MIPEP: variants seen among roughly 807,000 people sequenced by gnomAD.
MIPEP encodes the protein mitochondrial intermediate peptidase.
Under a neutral mutation model 90.3 loss-of-function variants are expected in MIPEP, and 79 were observed. That is an observed-to-expected ratio of 0.87 (90% CI 0.73 to 1.05). The LOEUF is 1.05. Ranked by LOEUF, MIPEP falls within the 50% of genes least tolerant of loss-of-function variation. The pLI is 0.00. For synonymous variants in MIPEP, 334 were observed against 315.8 expected (o/e 1.06, Z -0.61); for missense variants, 940 against 905.6 (o/e 1.04, Z -0.49).
intron 18 of MIPEP, among the ~76,000 whole-genome samples, chr13:23,738,141 G>A (rs917416681): frequency 6.6e-6 from 1 of 152,048 alleles, no homozygotes; most frequent in Non-Finnish European, 1.5e-5. Context: ...ATTTCAGGAA[G>A]GCAAAACAAA....
chr13:23,799,568 C>T lies in MIPEP; in HGVS notation c.1848+6382G>A, dbSNP rs184864634. Among the ~76,000 whole-genome samples the T allele has an allele frequency of 7.5e-3, 1,147 of 152,160 alleles. 17 individuals carry two copies. Among genetic ancestry groups the T allele is most frequent in the African/African-American group, 0.025 (1,020 of 41,524 alleles). On this transcript the variant is annotated intron_variant, in intron 16 of 18. Transcript: ENST00000382172. ...GCCTGGATCTCCTGACCTCATGGTCCGCCCGCCTCGGCCTCCCAAAGTGCT... is the reference window on the plus strand; with the variant it reads ...GCCTGGATCTCCTGACCTCATGGTCTGCCCGCCTCGGCCTCCCAAAGTGCT...
Position 23,837,718 on chromosome 13 carries a change from T to C in MIPEP, c.1377A>G (p.Glu459=), listed in dbSNP as rs763719311. 5.0e-6 allele frequency: 8 copies of C among 1,614,106 alleles called. No homozygotes were observed. Among genetic ancestry groups the C allele is most frequent in the Non-Finnish European group, 6.8e-6 (8 of 1,179,906 alleles). The part of the protein sequence containing the change: ...HFTIRGGRLK[E]DGDYQLPVVV... The stretch of plus-strand genomic sequence containing the variant: ...CAACTGGGAGTTGATAGTCTCCATC[T>C]TCCTTTAGTCTGCCTCCACGGATAG... The change falls in exon 13 of 19, where the codon GAA becomes GAG. Residue 459 remains glutamate (E), a synonymous_variant. Coordinates refer to ENST00000382172, the MANE Select transcript of MIPEP (RefSeq NM_005932.4).
chr13:23,838,941 T>C (rs1869176996), intron 12 of MIPEP, among the ~76,000 whole-genome samples: 1 of 152,268 alleles, frequency 6.6e-6, no homozygotes, highest in Non-Finnish European at 1.5e-5. Context: ...TCACATCTGT[T>C]AAAATCTGTG....
chr13:23,827,914 G>C (rs1868540939), intron 14 of MIPEP, among the ~76,000 whole-genome samples: 1 of 152,156 alleles, frequency 6.6e-6, no homozygotes, highest in African/African-American at 2.4e-5. Context: ...CTGGGCGATG[G>C]AGGGAGACTC....
intron 14 of MIPEP, among the ~76,000 whole-genome samples, chr13:23,828,659 G>A (rs915146941): frequency 1.3e-5 from 2 of 152,120 alleles, no homozygotes; most frequent in African/African-American, 4.8e-5. Flanking sequence ...AAAGACTTTT[G>A]AAAAGACCCA....
At chr13:23,833,681 A>T (rs558813310) in intron 14 of MIPEP, among the ~76,000 whole-genome samples, 2 of 152,166 alleles carry the variant, frequency 1.3e-5, no homozygotes, top group South Asian at 2.1e-4. Context: ...ATGGCAATTT[A>T]AAAAAAATTG....
rs748753801 is a variant in MIPEP, at chr13:23,761,867, G to A, written c.1849-1650C>T. 5.9e-5 allele frequency among the ~76,000 whole-genome samples: 9 copies of A among 152,366 alleles called. 1 individual carries two copies. The highest frequency in any genetic ancestry group is 1.9e-4 in the African/African-American group (8 of 41,588). ...GGGCCGGGCACAGTGGCTCATGCCT[G>A]TAATCCCAGCACATCAGGAGGCTGA... On this transcript the variant is annotated intron_variant, in intron 16 of 18. Transcript: ENST00000382172.
rs377379759 is a variant in MIPEP at position 23,886,834 on chromosome 13, T to TATAC, written c.190-329_190-328insGTAT. 4.7e-3 allele frequency among the ~76,000 whole-genome samples: 712 copies of TATAC among 149,972 alleles called. 13 individuals carry two copies. The highest frequency in any genetic ancestry group is 0.034 in the Admixed American group (512 of 15,070). On this transcript the variant is annotated intron_variant, in intron 1 of 18. Coordinates refer to ENST00000382172, the MANE Select transcript of MIPEP (RefSeq NM_005932.4). ...GATTAAATGAGATCATATATGTAAA[T>TATAC]ATATATATATATATACATAAAGCAG...
chr13:23,754,527 TAA>T (rs1164616786), intron 18 of MIPEP, among the ~76,000 whole-genome samples: 9 of 152,232 alleles, frequency 5.9e-5, no homozygotes, highest in Non-Finnish European at 1.3e-4. Flanking sequence ...CAGAAAATAT[TAA>T]GTTTCTTAAC....
chr13:23,750,043 G>T (rs1952424245), intron 18 of MIPEP, among the ~76,000 whole-genome samples: 1 of 151,878 alleles, frequency 6.6e-6, no homozygotes, highest in African/African-American at 2.4e-5. Context: ...ATGAGCAGTG[G>T]TGTCACTGCT....
chr13:23,767,554 C>A (rs993548841), intron 16 of MIPEP, among the ~76,000 whole-genome samples: 1 of 151,704 alleles, frequency 6.6e-6, no homozygotes, highest in Non-Finnish European at 1.5e-5. Flanking sequence ...CAGGTTCAAG[C>A]GATTCTCCTG....
chr13:23,756,664 C>T, intron 17 of MIPEP, 46 bp from the exon 18 acceptor site: 1 of 1,563,682 alleles, frequency 6.4e-7, no homozygotes, highest in Non-Finnish European at 8.8e-7. Flanking sequence ...GCACAGCCTC[C>T]ATTCACACTT....
chr13:23,738,735 C>T (rs565048700), intron 18 of MIPEP, among the ~76,000 whole-genome samples: 3 of 152,196 alleles, frequency 2.0e-5, no homozygotes, highest in African/African-American at 4.8e-5. Flanking sequence ...TACAGGCGTG[C>T]GCCTCTGTGA....
At chr13:23,748,265 C>T (rs1952404807) in intron 18 of MIPEP, among the ~76,000 whole-genome samples, 1 of 152,190 alleles carries the variant, frequency 6.6e-6, no homozygotes, top group Non-Finnish European at 1.5e-5. Context: ...TTTTGGTATT[C>T]GTGTATTCAC....
At chr13:23,773,124 T>TC (rs1952671865) in intron 16 of MIPEP, among the ~76,000 whole-genome samples, 1 of 152,204 alleles carries the variant, frequency 6.6e-6, no homozygotes, top group African/African-American at 2.4e-5. Flanking sequence ...CCATTCGCTG[T>TC]CCCTCTCCAT....
intron 5 of MIPEP, among the ~76,000 whole-genome samples, chr13:23,872,383 C>T (rs1209134590): frequency 2.0e-5 from 3 of 152,314 alleles, no homozygotes; most frequent in African/African-American, 7.2e-5. Context: ...ATCGCTTGAA[C>T]CCGGGAGGCG....
intron 4 of MIPEP, among the ~76,000 whole-genome samples, chr13:23,876,305 A>T (rs1255045736): frequency 6.6e-6 from 1 of 152,192 alleles, no homozygotes; most frequent in Non-Finnish European, 1.5e-5. Context: ...CCAGGTACAG[A>T]GCAGAGCACT....
chr13:23,735,837 C>T (rs768183811), intron 18 of MIPEP, among the ~76,000 whole-genome samples: 2 of 152,024 alleles, frequency 1.3e-5, no homozygotes, highest in East Asian at 1.9e-4. Context: ...TTATGCTAGC[C>T]CTGCTCTAAT....
chr13:23,876,938 C>T (rs1213256470), intron 4 of MIPEP, among the ~76,000 whole-genome samples: 1 of 152,202 alleles, frequency 6.6e-6, no homozygotes, highest in Non-Finnish European at 1.5e-5. Context: ...TCTTTCCCTA[C>T]TGATGTGAAA....
Sources: gnomAD v4.1 joint callset for allele counts (sites outside exome capture counted in the v4.1 genomes callset) on GRCh38, gnomAD v4.1.1 for gene constraint, MANE v1.5 for transcripts, NCBI Gene and HGNC (gene_info 2026-07-23, HGNC 2026-07-21) for gene names.